The following STAT5B variants were observed in gnomAD, a reference collection of about 807,000 sequenced individuals.
The protein encoded by STAT5B is transcription factor STAT5B.
In STAT5B, 21 loss-of-function variants were observed where a neutral mutation model predicts 107.8. The observed-to-expected ratio is 0.19, with a 90% CI of 0.14 to 0.28. The LOEUF (loss-of-function observed/expected upper bound fraction) is 0.28, where lower values mean the gene tolerates loss of function less well. Among genes scored for constraint, STAT5B ranks in the 10% least tolerant of loss-of-function variants. The pLI is 1.00. For synonymous variants in STAT5B, 325 were observed against 401.7 expected (o/e 0.81, Z 2.28); for missense variants, 565 against 1,008.2 (o/e 0.56, Z 5.95).
At chr17:42,233,324 T>C (rs952500912) in intron 1 of STAT5B, among the ~76,000 whole-genome samples, 6 of 152,144 alleles carry the variant, frequency 3.9e-5, no homozygotes, top group Non-Finnish European at 8.8e-5. Flanking sequence ...AGCACAGATT[T>C]ATCTGGAAAA....
intron 4 of STAT5B, among the ~76,000 whole-genome samples, chr17:42,224,274 T>C (rs1357855133): frequency 6.6e-6 from 1 of 152,180 alleles, no homozygotes; most frequent in Non-Finnish European, 1.5e-5. Context: ...TTTGCACTTG[T>C]TCACATTGTC....
intron 5 of STAT5B, among the ~76,000 whole-genome samples, chr17:42,220,774 G>C (rs2080218915): frequency 6.6e-6 from 1 of 151,856 alleles, no homozygotes; most frequent in Non-Finnish European, 1.5e-5. Context: ...GAGTAAGTTA[G>C]GCCTCATTAC....
At chr17:42,267,382 G>A (rs991531041) in intron 1 of STAT5B, among the ~76,000 whole-genome samples, 1 of 152,050 alleles carries the variant, frequency 6.6e-6, no homozygotes, top group African/African-American at 2.4e-5. Flanking sequence ...TACTGCCCCT[G>A]AAGACCTTTC....
At position 42,218,335 on chromosome 17, in the gene STAT5B, AG is replaced by A; in HGVS notation, c.990-6del. 6.2e-7 allele frequency: 1 copy of A among 1,612,134 alleles called. No individual in the cohort carries two copies. The highest frequency in any genetic ancestry group is 8.5e-7 in the Non-Finnish European group (1 of 1,178,974). On this transcript the variant is annotated splice_polypyrimidine_tract_variant and splice_region_variant and intron_variant, in intron 8 of 18. Coordinates refer to ENST00000293328, the MANE Select transcript of STAT5B (RefSeq NM_012448.4). Reference sequence around the variant, plus strand: ...TGCTTCTCAATGATGAACGTGCTGCAGGGGACACAGGGACAGATGCATGATG... The same window carrying A: ...TGCTTCTCAATGATGAACGTGCTGCAGGGACACAGGGACAGATGCATGATG...
Position 42,232,163 on chromosome 17 carries a change from G to A in STAT5B, c.-10-26C>T. On this transcript the variant is annotated intron_variant, in intron 1 of 18. Coordinates refer to ENST00000293328, the MANE Select transcript of STAT5B (RefSeq NM_012448.4). ...CTGTTGAACAAACAATCAGTGCTTTGGGCGTTTTTTCTTTATTTTCCCCTT... is the reference window on the plus strand; with the variant it reads ...CTGTTGAACAAACAATCAGTGCTTTAGGCGTTTTTTCTTTATTTTCCCCTT... 3 of 1,607,478 alleles carry A rather than the reference G, an allele frequency of 1.9e-6. 1 individual carries two copies. The highest frequency in any genetic ancestry group is 1.1e-5 in the South Asian group (1 of 89,934).
intron 1 of STAT5B, chr17:42,269,694 G>A (rs2080705764): frequency 6.6e-6 from 1 of 152,174 alleles, no homozygotes; most frequent in South Asian, 2.1e-4. Context: ...TCTGCACAGG[G>A]AATTGAAGTT....
At chr17:42,269,438 A>G (rs980894691) in intron 1 of STAT5B, 6 of 152,156 alleles carry the variant, frequency 3.9e-5, no homozygotes, top group African/African-American at 1.4e-4. Flanking sequence ...CTCTCACCTA[A>G]AGGCTGGAAA....
At chr17:42,249,392 C>CA (rs199737479) in intron 1 of STAT5B, among the ~76,000 whole-genome samples, 4,642 of 150,330 alleles carry the variant, frequency 0.031, 232 homozygotes, top group African/African-American at 0.11. Flanking sequence ...GACTCTATCT[C>CA]AAAAAAAATA....
At chr17:42,230,341 G>GA (rs1319394758) in intron 2 of STAT5B, among the ~76,000 whole-genome samples, 1 of 152,158 alleles carries the variant, frequency 6.6e-6, no homozygotes, top group African/African-American at 2.4e-5. Context: ...GACTGTCAAA[G>GA]AGGACCCATG....
At position 42,201,553 on chromosome 17, in the gene STAT5B, C is replaced by CAAACACAT. The variant is rs2080044237; in HGVS notation, c.*177_*184dup. Reference sequence around the variant, plus strand: ...ACACACACACACACACACACACACACAAACACATACTCGCACTCCCTTCGC... The same window carrying CAAACACAT: ...ACACACACACACACACACACACACACAAACACATAAACACATACTCGCACTCCCTTCGC... On this transcript the variant is annotated 3_prime_UTR_variant, in exon 19 of 19. Transcript: ENST00000293328. 1 of 667,218 alleles carries CAAACACAT rather than the reference C, an allele frequency of 1.5e-6. No homozygotes were observed. The highest frequency in any genetic ancestry group is 1.8e-5 in the African/African-American group (1 of 55,330). The allele number at this position is 667,218 out of a possible 1,614,324, so 41.3% of individuals were successfully genotyped here. A position where few individuals can be genotyped will look rare whatever the true frequency, so the allele number is the denominator to read the frequency against.
At chr17:42,266,296 G>A (rs1273499445) in intron 1 of STAT5B, among the ~76,000 whole-genome samples, 1 of 151,936 alleles carries the variant, frequency 6.6e-6, no homozygotes, top group African/African-American at 2.4e-5. Flanking sequence ...TGGAGGCTGA[G>A]GTGGGAGGAT....
In STAT5B at chr17:42,207,560, G is replaced by A. The variant is rs984395376; in HGVS notation, c.2075C>T (p.Thr692Ile). 6.2e-7 allele frequency: 1 copy of A among 1,613,370 alleles called. No homozygotes were observed. Among genetic ancestry groups the A allele is most frequent in the Non-Finnish European group, 8.5e-7 (1 of 1,179,874 alleles). ...AATCAGAATGCGAACATTGTTACCAGTAGCAGACTCGCAGGGAACTGGTGT... is the reference window on the plus strand; with the variant it reads ...AATCAGAATGCGAACATTGTTACCAATAGCAGACTCGCAGGGAACTGGTGT... The part of the protein sequence containing the change: ...YYTPVPCESA[T>I]AKAVDGYVKP... Residue 692 changes from threonine (T) to isoleucine (I), a missense_variant and splice_region_variant, in exon 16 of 19, where the codon ACT becomes ATT. Physicochemically the swap from Thr to Ile is moderately conservative, Grantham distance 89. Around this residue, in one of 11 missense-constraint regions of STAT5B, gnomAD observed 38 missense variants for 79.5 expected, o/e 0.48. Coordinates refer to ENST00000293328, the MANE Select transcript of STAT5B (RefSeq NM_012448.4).
chr17:42,233,513 C>T (rs537542421), intron 1 of STAT5B, among the ~76,000 whole-genome samples: 132 of 149,194 alleles, frequency 8.8e-4, no homozygotes, highest in Non-Finnish European at 1.5e-3. Context: ...TAATTTGAGA[C>T]GGAGTCTTGC....
intron 1 of STAT5B, among the ~76,000 whole-genome samples, chr17:42,261,329 C>T (rs994347034): frequency 1.2e-4 from 18 of 152,128 alleles, no homozygotes; most frequent in African/African-American, 4.1e-4. Flanking sequence ...GCATATTGAA[C>T]AATATATGTT....
At chr17:42,213,717 G>C (rs1350287706) in intron 12 of STAT5B, among the ~76,000 whole-genome samples, 1 of 149,060 alleles carries the variant, frequency 6.7e-6, no homozygotes, top group East Asian at 2.0e-4. Context: ...TAGTAGAGAT[G>C]AGAGTCTCAC....
At position 42,242,641 on chromosome 17, in the gene STAT5B, G is replaced by C. The variant is rs1157628151; in HGVS notation, c.-10-10504C>G. On this transcript the variant is annotated intron_variant, in intron 1 of 18. Coordinates refer to ENST00000293328, the MANE Select transcript of STAT5B (RefSeq NM_012448.4). ...GGTGGAACTGTTCTAGGTTAAAGGA[G>C]ACTGAAGAGACACAACCAAGAGCGT... is the stretch of plus-strand genomic sequence containing the variant. 1.4e-5 allele frequency among the ~76,000 whole-genome samples: 2 copies of C among 144,096 alleles called. 1 individual carries two copies. Among genetic ancestry groups the C allele is most frequent in the Middle Eastern group, 7.8e-3 (2 of 256 alleles). 94.5% of individuals were successfully genotyped at this position (144,096 alleles called of 152,430 possible). A position where few individuals can be genotyped will look rare whatever the true frequency, so the allele number is the denominator to read the frequency against.
chr17:42,201,969 C>A, intron 18 of STAT5B, 105 bp from the exon 19 acceptor site: 2 of 1,058,542 alleles, frequency 1.9e-6, no homozygotes, highest in South Asian at 1.4e-5. Flanking sequence ...CCTATGCCCT[C>A]AGCCTGGGGC....
intron 1 of STAT5B, among the ~76,000 whole-genome samples, chr17:42,264,746 T>C (rs905040839): frequency 2.8e-5 from 4 of 144,374 alleles, no homozygotes; most frequent in African/African-American, 7.7e-5. Context: ...CTGGGTCAAA[T>C]GGTATTTCTA....
At chr17:42,241,267 G>C (rs1273133996) in intron 1 of STAT5B, among the ~76,000 whole-genome samples, 1 of 150,898 alleles carries the variant, frequency 6.6e-6, no homozygotes, top group Non-Finnish European at 1.5e-5. Context: ...TTGAACCTGG[G>C]AGGTAGAAGT....
Sources: allele counts gnomAD v4.1 joint callset (sites outside exome capture counted in the v4.1 genomes callset), GRCh38; gene constraint gnomAD v4.1.1; regional missense constraint gnomAD v4.1.1; transcripts MANE v1.5; gene names NCBI Gene and HGNC (gene_info 2026-07-23, HGNC 2026-07-21).